Variants in TTLL11 observed in about 807,000 individuals in gnomAD.
The protein encoded by TTLL11 is tubulin polyglutamylase TTLL11.
Under a neutral mutation model 51.7 loss-of-function variants are expected in TTLL11, and 42 were observed. The observed-to-expected ratio is 0.81, with a 90% CI of 0.64 to 1.05. The LOEUF (loss-of-function observed/expected upper bound fraction) is 1.05. Ranked by LOEUF, TTLL11 falls within the 50% of genes least tolerant of loss-of-function variation. TTLL11 has a pLI of 0.00. For synonymous variants in TTLL11, 381 were observed against 383.5 expected (o/e 0.99, Z 0.08); for missense variants, 799 against 940.4 (o/e 0.85, Z 1.97).
intron 6 of TTLL11, among the ~76,000 whole-genome samples, chr9:121,881,806 G>A (rs1402654813): frequency 1.3e-5 from 2 of 152,308 alleles, no homozygotes; most frequent in African/African-American, 2.4e-5. Context: ...CTCTTAGTGA[G>A]CCCCTCCTTT....
chr9:121,997,286 T>C (rs189600173), intron 3 of TTLL11, among the ~76,000 whole-genome samples: 184 of 152,278 alleles, frequency 1.2e-3, no homozygotes, highest in African/African-American at 4.1e-3. Context: ...AGGTCCCTTC[T>C]CACACCCTGC....
intron 7 of TTLL11, among the ~76,000 whole-genome samples, chr9:121,865,023 C>T (rs1838136930): frequency 6.6e-6 from 1 of 151,922 alleles, no homozygotes; most frequent in African/African-American, 2.4e-5. Context: ...TTTTAAAAAC[C>T]ACACTACCTA....
At chr9:121,860,259 G>C in intron 8 of TTLL11, 78 bp downstream of exon 8, 1 of 1,137,452 alleles carries the variant, frequency 8.8e-7, no homozygotes. Context: ...CTGAACCCTT[G>C]ACAAGAAGGA....
At chr9:122,072,534 C>T (rs929980337) in intron 1 of TTLL11, among the ~76,000 whole-genome samples, 1 of 152,138 alleles carries the variant, frequency 6.6e-6, no homozygotes, top group African/African-American at 2.4e-5. Flanking sequence ...ATCCCAGCTA[C>T]TCGGGAGGCT....
In TTLL11 at chr9:121,989,214, G is replaced by A. The variant is rs371000313; in HGVS notation, c.1250C>T (p.Pro417Leu). Residue 417 changes from proline (P) to leucine (L), a missense_variant, in exon 4 of 9, where the codon CCG becomes CTG. This residue lies in a region of TTLL11 where 468 missense variants were observed against 612.8 expected (regional missense o/e 0.76). Coordinates refer to ENST00000321582, the MANE Select transcript of TTLL11 (RefSeq NM_001139442.2). This position sits in a 1 kb window ranked among gnomAD's most constrained non-coding sequence, Gnocchi z 4.2. ...FYQSDIPTGR[P>L]GPTCFQILGF... The stretch of plus-strand genomic sequence containing the variant: ...GGTTACCTGGAAGCACGTGGGGCCC[G>A]GCCTCCCCGTGGGGATGTCTGACTG... 1.9e-5 allele frequency: 31 copies of A among 1,614,008 alleles called. No individual in the cohort carries two copies. In the East Asian group the frequency reaches 4.2e-4, roughly 22 times the overall value.
At chr9:122,085,215 G>A (rs1448243352) in intron 1 of TTLL11, among the ~76,000 whole-genome samples, 2 of 152,052 alleles carry the variant, frequency 1.3e-5, no homozygotes, top group Non-Finnish European at 2.9e-5. Context: ...AGCTGAGATC[G>A]CACCACTGCA....
chr9:122,090,760 G>A (rs1275159747), intron 1 of TTLL11, among the ~76,000 whole-genome samples: 1 of 152,046 alleles, frequency 6.6e-6, no homozygotes, highest in Non-Finnish European at 1.5e-5. Context: ...TGAGGGAAAC[G>A]ACAATAAACA....
Position 121,822,922 on chromosome 9 carries a change from C to T in TTLL11, c.1841-43G>A, listed in dbSNP as rs745808471. 4 of 1,499,684 alleles carry T rather than the reference C, an allele frequency of 2.7e-6. No homozygotes were observed. The highest frequency in any genetic ancestry group is 1.8e-6 in the Non-Finnish European group (2 of 1,121,202). The allele number at this position is 1,499,684 out of a possible 1,614,324, so 92.9% of individuals were successfully genotyped here. On this transcript the variant is annotated intron_variant, in intron 8 of 8. Coordinates refer to ENST00000321582, the MANE Select transcript of TTLL11 (RefSeq NM_001139442.2). The surrounding 1 kb of genome is among the most constrained non-coding windows in gnomAD (Gnocchi z 5.8). ...GGATGAGGGGGTGCACACAGCTGCC[C>T]TACGCTGCCCTGGGAAGGCCCACCT...
intron 6 of TTLL11, among the ~76,000 whole-genome samples, chr9:121,873,203 G>A (rs916331967): frequency 2.0e-5 from 3 of 152,146 alleles, no homozygotes; most frequent in Non-Finnish European, 2.9e-5. Context: ...GTGGTCATCT[G>A]CTCTTCACTC....
intron 1 of TTLL11, among the ~76,000 whole-genome samples, chr9:122,080,692 C>T (rs747745279): frequency 6.6e-6 from 1 of 150,692 alleles, no homozygotes; most frequent in Non-Finnish European, 1.5e-5. Context: ...AACCTTGTCT[C>T]TAAAGACAAA....
At chr9:122,067,298 A>G (rs189871904) in intron 1 of TTLL11, among the ~76,000 whole-genome samples, 2 of 152,270 alleles carry the variant, frequency 1.3e-5, no homozygotes, top group Admixed American at 6.5e-5. Context: ...CTTCTCTACC[A>G]CTCAAAACAA....
chr9:121,928,832 A>C (rs1226132923), intron 6 of TTLL11, among the ~76,000 whole-genome samples: 1 of 152,086 alleles, frequency 6.6e-6, no homozygotes, highest in East Asian at 1.9e-4. Context: ...TTGGCCTCCC[A>C]AGTAGCTGAG....
At chr9:121,917,364 G>A (rs1185464863) in intron 6 of TTLL11, among the ~76,000 whole-genome samples, 1 of 152,004 alleles carries the variant, frequency 6.6e-6, no homozygotes, top group South Asian at 2.1e-4. Context: ...TAATTACTTA[G>A]AAGGCTGAGG....
At chr9:121,997,827 C>A (rs1427442481) in intron 3 of TTLL11, among the ~76,000 whole-genome samples, 1 of 152,138 alleles carries the variant, frequency 6.6e-6, no homozygotes, top group African/African-American at 2.4e-5. Flanking sequence ...CAGTGCTCGC[C>A]CATGGGTGGC....
intron 6 of TTLL11, among the ~76,000 whole-genome samples, chr9:121,971,890 C>A (rs975110463): frequency 6.6e-6 from 1 of 151,724 alleles, no homozygotes. Flanking sequence ...AAACAGAAAA[C>A]CAAACACTGC....
intron 3 of TTLL11, among the ~76,000 whole-genome samples, chr9:122,019,793 CATGT>C (rs1182102547): frequency 6.6e-6 from 1 of 152,126 alleles, no homozygotes; most frequent in Non-Finnish European, 1.5e-5. Context: ...CTATAATTCC[CATGT>C]ATTGTAGGAG....
intron 3 of TTLL11, among the ~76,000 whole-genome samples, chr9:122,003,070 CCA>C (rs746775737): frequency 2.0e-5 from 3 of 152,006 alleles, no homozygotes; most frequent in Non-Finnish European, 4.4e-5. Flanking sequence ...AACAGCTATG[CCA>C]CAGTCTCAAC....
At chr9:122,068,763 C>T (rs1046832746) in intron 1 of TTLL11, among the ~76,000 whole-genome samples, 1 of 152,200 alleles carries the variant, frequency 6.6e-6, no homozygotes, top group African/African-American at 2.4e-5. Context: ...CTGGACAAAA[C>T]ACTGGGCTAC....
chr9:121,821,150 T>C lies in TTLL11; in HGVS notation c.*1437A>G, dbSNP rs987730101. On this transcript the variant is annotated 3_prime_UTR_variant, in exon 9 of 9. Transcript: ENST00000321582. This position sits in a 1 kb window ranked among gnomAD's most constrained non-coding sequence, Gnocchi z 5.0. ...GGGAGGGCGGATTCAAGTAACTTGT[T>C]TCCACAGATGCTTTTGAGTACCTGT... is the stretch of plus-strand genomic sequence containing the variant. 1.4e-4 allele frequency among the ~76,000 whole-genome samples: 21 copies of C among 152,086 alleles called. No homozygotes were observed. The highest frequency in any genetic ancestry group is 5.1e-4 in the African/African-American group (21 of 41,408).
Sources: allele counts gnomAD v4.1 joint callset (sites outside exome capture counted in the v4.1 genomes callset), GRCh38; gene constraint gnomAD v4.1.1; regional missense constraint gnomAD v4.1.1; non-coding constraint Gnocchi (gnomAD v3.1); transcripts MANE v1.5; gene names NCBI Gene and HGNC (gene_info 2026-07-23, HGNC 2026-07-21).